The following COL24A1 variants were observed in gnomAD, a reference collection of about 807,000 sequenced individuals.
COL24A1 encodes collagen type XXIV alpha 1 chain.
In COL24A1, 224 loss-of-function variants were observed where a neutral mutation model predicts 253.9. That is an observed-to-expected ratio of 0.88 (90% confidence interval 0.79 to 0.99). COL24A1 has a LOEUF of 0.99. Ranked by LOEUF, COL24A1 falls within the 50% of genes least tolerant of loss-of-function variation. COL24A1 has a pLI of 0.00. For missense variants in COL24A1, 2,131 were observed against 2,068.5 expected (o/e 1.03, Z -0.59); for synonymous variants, 685 against 673.7 (o/e 1.02, Z -0.26).
Position 85,737,491 on chromosome 1 carries a change from C to A in COL24A1, c.4687G>T (p.Asp1563Tyr). The change falls in exon 58 of 60, where the codon GAC (aspartate) becomes TAC (tyrosine). Residue 1563 changes from aspartate to tyrosine, a missense_variant. By Grantham distance (160) the Asp-to-Tyr change is radical. Transcript: ENST00000370571. ...TCTGAAGGACAGCCAAGATTTGGGT[C>A]AATCCAGTATTTTCCTAATAATTTA... is the stretch of plus-strand genomic sequence containing the variant. ...QKVSDGKYWI[D>Y]PNLGCPSDAI... 1 of 1,609,832 alleles carries A rather than the reference C, an allele frequency of 6.2e-7. No homozygotes were observed. The highest frequency in any genetic ancestry group is 8.5e-7 in the Non-Finnish European group (1 of 1,177,356).
At chr1:85,904,884 T>G (rs1684659055) in intron 28 of COL24A1, among the ~76,000 whole-genome samples, 1 of 152,144 alleles carries the variant, frequency 6.6e-6, no homozygotes, top group African/African-American at 2.4e-5. Context: ...GAATCCTCCA[T>G]GGTATTAATA....
At chr1:85,767,538 A>G (rs1444325753) in intron 53 of COL24A1, among the ~76,000 whole-genome samples, 1 of 152,220 alleles carries the variant, frequency 6.6e-6, no homozygotes, top group Non-Finnish European at 1.5e-5. Context: ...CTTAAATTAT[A>G]ATGGAATCAA....
intron 14 of COL24A1, among the ~76,000 whole-genome samples, chr1:86,025,199 A>G (rs1400517925): frequency 2.6e-5 from 4 of 152,166 alleles, no homozygotes; most frequent in Non-Finnish European, 5.9e-5. Context: ...AAAGTCCTTC[A>G]GCATTCCCTA....
intron 1 of COL24A1, among the ~76,000 whole-genome samples, chr1:86,153,252 T>G (rs575259803): frequency 2.8e-5 from 4 of 142,446 alleles, no homozygotes; most frequent in Admixed American, 2.8e-4. Flanking sequence ...CTCATGTATA[T>G]ATCCTCCTCT....
chr1:85,911,420 A>G lies in COL24A1; in HGVS notation c.2576T>C (p.Leu859Ser). The change falls in exon 25 of 60, where the codon TTA becomes TCA. Residue 859 changes from leucine to serine, a missense_variant. Physicochemically the swap from Leu to Ser is moderately radical, Grantham distance 145 (BLOSUM62 -2). Transcript: ENST00000370571. Reference sequence around the variant, plus strand: ...TCCAGTCATCCCAACTTCTCCAGGTAAGCCAACAGGTCCCTTTTAGGAAAA... The same window carrying G: ...TCCAGTCATCCCAACTTCTCCAGGTGAGCCAACAGGTCCCTTTTAGGAAAA... The part of the protein sequence containing the change: ...GKIGETGPVG[L>S]PGEVGMTGSI... 1 of 1,612,378 alleles carries G rather than the reference A, an allele frequency of 6.2e-7. No homozygotes were observed. Among genetic ancestry groups the G allele is most frequent in the Non-Finnish European group, 8.5e-7 (1 of 1,178,960 alleles).
chr1:85,960,368 T>C (rs1015888585), intron 24 of COL24A1, among the ~76,000 whole-genome samples: 1 of 152,204 alleles, frequency 6.6e-6, no homozygotes, highest in African/African-American at 2.4e-5. Context: ...TGGCTGGCTT[T>C]CTTCATTGTA....
intron 58 of COL24A1, 57 bp downstream of exon 58, chr1:85,737,339 A>T: frequency 1.0e-6 from 1 of 1,000,652 alleles, no homozygotes; most frequent in South Asian, 1.8e-5. Context: ...TTTAAACATA[A>T]TTTTTCACTG....
chr1:86,030,176 A>G (rs570885993), intron 14 of COL24A1: 1 of 152,324 alleles, frequency 6.6e-6, no homozygotes, highest in Admixed American at 6.5e-5. Flanking sequence ...TACACAGAGC[A>G]TAAGGTCAAA....
At chr1:85,868,949 C>T in intron 35 of COL24A1, 114 bp from the exon 36 acceptor site, 1 of 625,892 alleles carries the variant, frequency 1.6e-6, no homozygotes, top group South Asian at 2.6e-5. Flanking sequence ...TCACTTATTT[C>T]TACTACTTTA....
chr1:85,729,965 T>C lies in COL24A1; in HGVS notation c.*581A>G, dbSNP rs1663317134. The stretch of plus-strand genomic sequence containing the variant: ...AACCAGTACATACACTTTTAAAGAA[T>C]GACAAAGATGAAAAAGGAAATAGTC... On this transcript the variant is annotated 3_prime_UTR_variant, in exon 60 of 60. Coordinates refer to ENST00000370571, the MANE Select transcript of COL24A1 (RefSeq NM_152890.7). 1 of 152,568 alleles carries C rather than the reference T, an allele frequency of 6.6e-6. No homozygotes were observed. The highest frequency in any genetic ancestry group is 1.5e-5 in the Non-Finnish European group (1 of 68,052). The allele number at this position is 152,568 out of a possible 1,614,324, so 9.5% of individuals were successfully genotyped here. A position where few individuals can be genotyped will look rare whatever the true frequency, so the allele number is the denominator to read the frequency against.
At chr1:86,069,678 G>GGAGAT (rs1701734805) in intron 7 of COL24A1, among the ~76,000 whole-genome samples, 1 of 139,842 alleles carries the variant, frequency 7.2e-6, no homozygotes, top group Non-Finnish European at 1.6e-5. Flanking sequence ...AGAGAGGAGA[G>GGAGAT]ACTCCATTTG....
chr1:86,077,043 G>T (rs1327263555), intron 7 of COL24A1, among the ~76,000 whole-genome samples: 1 of 152,194 alleles, frequency 6.6e-6, no homozygotes, highest in Non-Finnish European at 1.5e-5. Flanking sequence ...ACTATCATCA[G>T]AGTGAACAGG....
intron 28 of COL24A1, among the ~76,000 whole-genome samples, chr1:85,901,313 C>T (rs777254761): frequency 6.6e-6 from 1 of 152,044 alleles, no homozygotes; most frequent in Non-Finnish European, 1.5e-5. Flanking sequence ...CTCAACATCA[C>T]TAATTATCAG....
At chr1:85,778,004 T>C (rs1668733487) in intron 52 of COL24A1, among the ~76,000 whole-genome samples, 1 of 145,818 alleles carries the variant, frequency 6.9e-6, no homozygotes, top group African/African-American at 2.5e-5. Context: ...TCTTGGTATA[T>C]GTGTGTATAT....
chr1:85,838,584 C>T lies in COL24A1; in HGVS notation c.3681+1G>A. On this transcript the variant is annotated splice_donor_variant, in intron 43 of 59. Transcript: ENST00000370571. LOFTEE classifies it high-confidence loss of function. ...TAGTAAGGGGTATAACTTGCAATTA[C>T]CTTATATCCCTCTGCTCCAGGCTCT... 2 of 1,613,390 alleles carry T rather than the reference C, an allele frequency of 1.2e-6. No individual in the cohort carries two copies. The highest frequency in any genetic ancestry group is 1.7e-6 in the Non-Finnish European group (2 of 1,179,372).
intron 46 of COL24A1, among the ~76,000 whole-genome samples, chr1:85,817,453 T>G (rs1673155338): frequency 6.6e-6 from 1 of 152,180 alleles, no homozygotes; most frequent in Admixed American, 6.5e-5. Flanking sequence ...TCTCTATTTT[T>G]TTTTCAAGCC....
intron 55 of COL24A1, among the ~76,000 whole-genome samples, chr1:85,757,838 T>C (rs2101063536): frequency 6.6e-6 from 1 of 152,274 alleles, no homozygotes; most frequent in Middle Eastern, 3.4e-3. Flanking sequence ...CACATCGAAG[T>C]ATAAATCTCT....
chr1:86,137,783 G>A (rs567435967), intron 2 of COL24A1, among the ~76,000 whole-genome samples: 31 of 152,276 alleles, frequency 2.0e-4, no homozygotes, highest in African/African-American at 7.5e-4. Flanking sequence ...GAAATGAGAT[G>A]TTTCAAAAGC....
intron 43 of COL24A1, among the ~76,000 whole-genome samples, chr1:85,834,434 A>C (rs1675771836): frequency 6.6e-6 from 1 of 152,184 alleles, no homozygotes; most frequent in African/African-American, 2.4e-5. Flanking sequence ...GAGGAAGATC[A>C]GATTAAATTT....
Sources: allele counts gnomAD v4.1 joint callset (sites outside exome capture counted in the v4.1 genomes callset), GRCh38; gene constraint gnomAD v4.1.1; transcripts MANE v1.5; gene names NCBI Gene and HGNC (gene_info 2026-07-23, HGNC 2026-07-21).